Variants in PARD3 observed in about 807,000 individuals in gnomAD.
The protein encoded by PARD3 is partitioning defective 3 homolog.
In PARD3, 75 loss-of-function variants were observed where a neutral mutation model predicts 155.4. That is an observed-to-expected ratio of 0.48 (90% CI 0.40 to 0.58). The LOEUF is 0.58. PARD3 is among the 20% of genes least tolerant of loss of function. The pLI is 0.00. For synonymous variants in PARD3, 576 were observed against 610.5 expected (o/e 0.94, Z 0.83); for missense variants, 1,642 against 1,721.7 (o/e 0.95, Z 0.82).
At chr10:34,400,621 T>C (rs926542935) in intron 6 of PARD3, among the ~76,000 whole-genome samples, 1 of 152,178 alleles carries the variant, frequency 6.6e-6, no homozygotes, top group Non-Finnish European at 1.5e-5. Context: ...TATAATTTTA[T>C]GTGATGGAAA....
intron 1 of PARD3, among the ~76,000 whole-genome samples, chr10:34,750,498 CA>C (rs1320627863): frequency 1.3e-4 from 19 of 145,094 alleles, no homozygotes; most frequent in East Asian, 1.9e-4. Context: ...CACACACACA[CA>C]CACACACACA....
At chr10:34,750,398 A>C (rs1434751219) in intron 1 of PARD3, among the ~76,000 whole-genome samples, 1 of 151,730 alleles carries the variant, frequency 6.6e-6, no homozygotes. Context: ...AAGAAATTCC[A>C]TTTCTAGAAA....
At chr10:34,587,886 C>G (rs1358870080) in intron 2 of PARD3, among the ~76,000 whole-genome samples, 1 of 152,166 alleles carries the variant, frequency 6.6e-6, no homozygotes, top group Non-Finnish European at 1.5e-5. Flanking sequence ...GGGCTGGCTC[C>G]GTGGGTGGAA....
At chr10:34,168,845 T>C (rs191511577) in intron 22 of PARD3, among the ~76,000 whole-genome samples, 2 of 152,356 alleles carry the variant, frequency 1.3e-5, no homozygotes, top group East Asian at 3.9e-4. Context: ...AATTATGCCA[T>C]ACAAAATCCT....
intron 1 of PARD3, among the ~76,000 whole-genome samples, chr10:34,799,655 T>C (rs1842656723): frequency 6.6e-6 from 1 of 152,130 alleles, no homozygotes; most frequent in South Asian, 2.1e-4. Context: ...TGTCATGGTA[T>C]AGCAACTCAC....
At chr10:34,762,469 C>CTTTTTTTTTTTTTTT (rs72049773) in intron 1 of PARD3, among the ~76,000 whole-genome samples, 1 of 98,662 alleles carries the variant, frequency 1.0e-5, no homozygotes, top group Non-Finnish European at 2.0e-5. Flanking sequence ...CCATGCCTGA[C>CTTTTTTTTTTTTTTT]TTTTTTTTTT....
chr10:34,381,912 C>CAAAAAAAAAAAAAAAAAAAAAAAAAAAAA (rs202053812), intron 9 of PARD3, among the ~76,000 whole-genome samples: 30 of 71,882 alleles, frequency 4.2e-4, no homozygotes, highest in African/African-American at 9.8e-4. Context: ...GGCCCTGTCT[C>CAAAAAAAAAAAAAAAAAAAAAAAAAAAAA]AAAAAAAAAA....
intron 4 of PARD3, 96 bp from the exon 5 acceptor site, chr10:34,450,544 T>C (rs1564728481): frequency 4.4e-6 from 5 of 1,148,914 alleles, no homozygotes; most frequent in East Asian, 2.4e-5. Context: ...AAAATGATTC[T>C]ACATATTTAA....
At chr10:34,221,444 C>A (rs969623259) in intron 22 of PARD3, among the ~76,000 whole-genome samples, 2 of 140,976 alleles carry the variant, frequency 1.4e-5, no homozygotes, top group Non-Finnish European at 3.0e-5. Flanking sequence ...GTGTACAATA[C>A]GATGTTTTGA....
At chr10:34,800,901 C>T (rs955042585) in intron 1 of PARD3, among the ~76,000 whole-genome samples, 1 of 152,184 alleles carries the variant, frequency 6.6e-6, no homozygotes, top group Non-Finnish European at 1.5e-5. Context: ...GAAAATACCA[C>T]TCCCCGGAAT....
intron 23 of PARD3, among the ~76,000 whole-genome samples, chr10:34,127,373 T>A (rs1410545735): frequency 6.6e-6 from 1 of 152,178 alleles, no homozygotes; most frequent in Non-Finnish European, 1.5e-5. Context: ...TTTCAAGCCT[T>A]TTCTGACCAC....
chr10:34,759,439 C>T (rs1411554319), intron 1 of PARD3, among the ~76,000 whole-genome samples: 1 of 152,058 alleles, frequency 6.6e-6, no homozygotes, highest in East Asian at 1.9e-4. Context: ...GCTAGAACCA[C>T]CCAAGTATTT....
chr10:34,695,070 C>CTACTGA (rs11280644), intron 2 of PARD3, among the ~76,000 whole-genome samples: 1 of 152,020 alleles, frequency 6.6e-6, no homozygotes, highest in Non-Finnish European at 1.5e-5. Flanking sequence ...ATACCCTGTG[C>CTACTGA]AGGGAGGTTT....
chr10:34,368,683 A>G (rs760926964), intron 12 of PARD3, among the ~76,000 whole-genome samples: 3 of 140,266 alleles, frequency 2.1e-5, no homozygotes, highest in African/African-American at 6.6e-5. Flanking sequence ...AACAAAAAAA[A>G]AGAAGAAGGT....
At chr10:34,811,228 T>C (rs776157321) in intron 1 of PARD3, among the ~76,000 whole-genome samples, 4 of 152,190 alleles carry the variant, frequency 2.6e-5, no homozygotes, top group Non-Finnish European at 5.9e-5. Flanking sequence ...AACACCACAG[T>C]CCTTCCTACT....
intron 22 of PARD3, among the ~76,000 whole-genome samples, chr10:34,147,179 TCTCA>T (rs1948553679): frequency 6.6e-6 from 1 of 152,270 alleles, no homozygotes; most frequent in South Asian, 2.1e-4. Context: ...TCTTTTGGTT[TCTCA>T]CTATTTTTCT....
rs184812799 is a variant in PARD3, at chr10:34,529,535, G to A, written c.223-12376C>T. ...AGGGATGCAAACCCCCCACACAGTC[G>A]AAATCTGAGTATAACTTTTGACTCA... On this transcript the variant is annotated intron_variant, in intron 2 of 24. Transcript: ENST00000374788. 3.3e-3 allele frequency among the ~76,000 whole-genome samples: 496 copies of A among 152,216 alleles called. 1 individual carries two copies. Among genetic ancestry groups the A allele is most frequent in the African/African-American group, 0.011 (473 of 41,546 alleles).
At chr10:34,485,668 G>T (rs1180707854) in intron 3 of PARD3, among the ~76,000 whole-genome samples, 1 of 152,130 alleles carries the variant, frequency 6.6e-6, no homozygotes, top group East Asian at 1.9e-4. Context: ...GGAGCCCAAG[G>T]TTCTTACTAT....
intron 22 of PARD3, among the ~76,000 whole-genome samples, chr10:34,145,153 T>C (rs954829671): frequency 6.8e-6 from 1 of 146,362 alleles, no homozygotes; most frequent in Non-Finnish European, 1.5e-5. Context: ...AATCTGATTA[T>C]ATTCTGATTC....
Sources: gnomAD v4.1 joint callset for allele counts (sites outside exome capture counted in the v4.1 genomes callset) on GRCh38, gnomAD v4.1.1 for gene constraint, MANE v1.5 for transcripts, NCBI Gene and HGNC (gene_info 2026-07-23, HGNC 2026-07-21) for gene names.